The following FTO variants were observed in gnomAD, a reference collection of about 807,000 sequenced individuals.
FTO encodes alpha-ketoglutarate-dependent dioxygenase FTO.
Under a neutral mutation model 63.9 loss-of-function variants are expected in FTO, and 47 were observed. The observed-to-expected ratio is 0.74, with a 90% CI of 0.58 to 0.94. The LOEUF (loss-of-function observed/expected upper bound fraction) is 0.94. Among genes scored for constraint, FTO ranks in the 40% least tolerant of loss-of-function variants. The pLI, the probability that FTO is intolerant of heterozygous loss-of-function variation, is 0.00. For synonymous variants in FTO, 207 were observed against 224.4 expected (o/e 0.92, Z 0.69); for missense variants, 562 against 618.1 (o/e 0.91, Z 0.96).
chr16:53,732,076 T>A (rs1384331152), intron 1 of FTO, among the ~76,000 whole-genome samples: 2 of 126,030 alleles, frequency 1.6e-5, no homozygotes, highest in Non-Finnish European at 3.2e-5. Context: ...TGAGACGGAG[T>A]CTCGCTCTGT....
At position 53,946,097 on chromosome 16, in the gene FTO, C is replaced by T. The variant is rs550825107; in HGVS notation, c.1364+11988C>T. On this transcript the variant is annotated intron_variant, in intron 8 of 8. Coordinates refer to ENST00000471389, the MANE Select transcript of FTO (RefSeq NM_001080432.3). ...AGGAGGATGGGGGAAGGGGAAGGAACAGCTCTACTGGCCTGTAGGGGACAC... is the reference window on the plus strand; with the variant it reads ...AGGAGGATGGGGGAAGGGGAAGGAATAGCTCTACTGGCCTGTAGGGGACAC... 2.0e-5 allele frequency among the ~76,000 whole-genome samples: 3 copies of T among 152,168 alleles called. No homozygotes were observed. In the South Asian group the frequency reaches 6.2e-4, roughly 32 times the overall value.
chr16:53,888,485 T>C (rs1019839203), intron 6 of FTO, among the ~76,000 whole-genome samples: 9 of 152,076 alleles, frequency 5.9e-5, no homozygotes, highest in Non-Finnish European at 7.4e-5. Flanking sequence ...TTGGCCAATT[T>C]ATTTTTAATT....
chr16:53,816,035 T>G lies in FTO; in HGVS notation c.123+5818T>G, dbSNP rs572566628. Among the ~76,000 whole-genome samples, 9 of 152,226 alleles carry G rather than the reference T, an allele frequency of 5.9e-5. 1 individual carries two copies. The South Asian group carries it at 1.9e-3, about 32-fold the overall frequency. On this transcript the variant is annotated intron_variant, in intron 2 of 8. Coordinates refer to ENST00000471389, the MANE Select transcript of FTO (RefSeq NM_001080432.3). ...GGCGCCCAATCATAAACTCTCGTCA[T>G]AGGGAGTTCTTGGTTCCACCCTGAC...
chr16:54,039,848 A>G (rs2085030532), intron 8 of FTO: 1 of 152,180 alleles, frequency 6.6e-6, no homozygotes, highest in African/African-American at 2.4e-5. Context: ...TCCTGTAGGA[A>G]TTTGTTCTCT....
chr16:53,756,850 C>T (rs17217144), intron 1 of FTO, among the ~76,000 whole-genome samples: 59,339 of 151,978 alleles, frequency 0.39, 12,256 homozygotes, highest in Middle Eastern at 0.47. Context: ...GTACTCAGAG[C>T]ATTTGAATGC....
chr16:54,008,850 T>G (rs981136802), intron 8 of FTO, among the ~76,000 whole-genome samples: 1 of 105,016 alleles, frequency 9.5e-6, no homozygotes, highest in African/African-American at 4.0e-5. Flanking sequence ...ATAATAATAA[T>G]AATAATAATA....
At chr16:54,024,404 A>G (rs1212181835) in intron 8 of FTO, among the ~76,000 whole-genome samples, 1 of 150,168 alleles carries the variant, frequency 6.7e-6, no homozygotes, top group Non-Finnish European at 1.5e-5. Context: ...TTTTTTTTGT[A>G]TTTTTAGTAG....
intron 8 of FTO, among the ~76,000 whole-genome samples, chr16:54,061,183 A>C (rs76051799): frequency 6.6e-6 from 1 of 152,298 alleles, no homozygotes; most frequent in African/African-American, 2.4e-5. Flanking sequence ...GGTGATTCGG[A>C]TGATTTTTTA....
intron 1 of FTO, among the ~76,000 whole-genome samples, chr16:53,733,638 C>CT (rs1567939055): frequency 3.3e-5 from 5 of 152,166 alleles, no homozygotes; most frequent in African/African-American, 1.2e-4. Flanking sequence ...TAATTTAAGG[C>CT]TTTTTTAAGA....
At chr16:54,079,888 A>G (rs1396030548) in intron 8 of FTO, among the ~76,000 whole-genome samples, 1 of 152,104 alleles carries the variant, frequency 6.6e-6, no homozygotes, top group Non-Finnish European at 1.5e-5. Flanking sequence ...TCTTCTTTTT[A>G]GGAACTAATT....
intron 8 of FTO, among the ~76,000 whole-genome samples, chr16:53,965,028 A>C (rs139987733): frequency 6.6e-6 from 1 of 152,308 alleles, no homozygotes. Context: ...CACCCTAACA[A>C]TTGTAATAGT....
chr16:53,833,869 A>G (rs1443986996), intron 3 of FTO, among the ~76,000 whole-genome samples: 1 of 152,112 alleles, frequency 6.6e-6, no homozygotes, highest in Non-Finnish European at 1.5e-5. Flanking sequence ...CCATTTATAT[A>G]TCTTCTTTGG....
At chr16:54,106,964 T>A (rs1254414204) in intron 8 of FTO, among the ~76,000 whole-genome samples, 4 of 144,468 alleles carry the variant, frequency 2.8e-5, no homozygotes, top group Non-Finnish European at 6.0e-5. Context: ...ATACTTTATC[T>A]CTCTTCCTCC....
chr16:53,915,648 G>T (rs114019148), intron 7 of FTO, among the ~76,000 whole-genome samples: 1 of 152,226 alleles, frequency 6.6e-6, no homozygotes, highest in South Asian at 2.1e-4. Context: ...TGGTAGACTC[G>T]AACACAGGAG....
At chr16:53,943,616 C>CT (rs1481420629) in intron 8 of FTO, among the ~76,000 whole-genome samples, 1 of 152,202 alleles carries the variant, frequency 6.6e-6, no homozygotes, top group Non-Finnish European at 1.5e-5. Flanking sequence ...GATATGAACT[C>CT]TTTTCCTAAG....
chr16:54,003,909 A>C (rs1231626641), intron 8 of FTO, among the ~76,000 whole-genome samples: 1 of 152,348 alleles, frequency 6.6e-6, no homozygotes, highest in East Asian at 1.9e-4. Context: ...TTGTGAGAAC[A>C]TTATATTACT....
intron 7 of FTO, among the ~76,000 whole-genome samples, chr16:53,923,401 G>A (rs1009186147): frequency 6.6e-6 from 1 of 152,124 alleles, no homozygotes; most frequent in African/African-American, 2.4e-5. Flanking sequence ...AAACAACAGG[G>A]GCCAAACGAT....
chr16:53,869,150 A>G (rs1348751061), intron 4 of FTO, among the ~76,000 whole-genome samples: 2 of 152,060 alleles, frequency 1.3e-5, no homozygotes, highest in African/African-American at 4.8e-5. Flanking sequence ...CTTTACTTTT[A>G]AAGGGTAGTT....
intron 8 of FTO, among the ~76,000 whole-genome samples, chr16:53,968,282 C>T (rs1173183286): frequency 6.6e-6 from 1 of 152,156 alleles, no homozygotes; most frequent in Non-Finnish European, 1.5e-5. Context: ...CAAAACATCA[C>T]AGTGCAGAAG....
Sources: gnomAD v4.1 joint callset for allele counts (sites outside exome capture counted in the v4.1 genomes callset) on GRCh38, gnomAD v4.1.1 for gene constraint, MANE v1.5 for transcripts, NCBI Gene and HGNC (gene_info 2026-07-23, HGNC 2026-07-21) for gene names.